Variants in WASL observed in about 807,000 individuals in gnomAD.
WASL encodes actin nucleation-promoting factor WASL.
WASL carries 20 observed loss-of-function variants against 55.5 expected under a neutral mutation model. The ratio of observed to expected loss-of-function variants is 0.36; its 90% CI spans 0.25 to 0.52. The LOEUF is 0.52. Ranked by LOEUF, WASL falls within the 20% of genes least tolerant of loss-of-function variation. The probability of loss-of-function intolerance (pLI) is 0.92; values close to 1 mark genes in which losing one functional copy is unlikely to be tolerated. For synonymous variants in WASL, 249 were observed against 217.6 expected, an observed-to-expected ratio of 1.14 and a Z score of -1.27; for missense variants, 504 against 622.5, an observed-to-expected ratio of 0.81 and a Z score of 2.03.
chr7:123,747,108 A>T (rs1357215875), intron 1 of WASL, among the ~76,000 whole-genome samples: 2 of 152,206 alleles, frequency 1.3e-5, no homozygotes, highest in Non-Finnish European at 2.9e-5. Flanking sequence ...GAAATAAATC[A>T]GTAACAGGAA....
At chr7:123,722,543 C>T (rs1803965600) in intron 1 of WASL, among the ~76,000 whole-genome samples, 1 of 152,120 alleles carries the variant, frequency 6.6e-6, no homozygotes. Context: ...GTAGGCTGGC[C>T]ATGGTGGCTC....
At chr7:123,716,228 A>C (rs1803838694) in intron 1 of WASL, among the ~76,000 whole-genome samples, 1 of 151,976 alleles carries the variant, frequency 6.6e-6, no homozygotes, top group South Asian at 2.1e-4. Context: ...TTATTTATTT[A>C]TTTAGATGGA....
At chr7:123,713,732 T>C (rs1207439848) in intron 1 of WASL, among the ~76,000 whole-genome samples, 1 of 152,228 alleles carries the variant, frequency 6.6e-6, no homozygotes, top group Non-Finnish European at 1.5e-5. Context: ...TGACCTATTA[T>C]TACTCTGAAT....
chr7:123,737,906 T>C (rs1017160527), intron 1 of WASL, among the ~76,000 whole-genome samples: 1 of 152,132 alleles, frequency 6.6e-6, no homozygotes, highest in Non-Finnish European at 1.5e-5. Flanking sequence ...TGTCAAAAGA[T>C]AAATGACAAA....
Position 123,706,249 on chromosome 7 carries a change from CTGATT to C in WASL, c.436+23_436+27del, listed in dbSNP as rs770367757. ...GCCCCATGAGCATTAGTTTGCTGGC[CTGATT>C]TAAGTAATTAAAAAAGGGTTACCAG... On this transcript the variant is annotated intron_variant, in intron 4 of 10. Transcript: ENST00000223023. 1.9e-6 allele frequency: 3 copies of C among 1,602,164 alleles called. No homozygotes were observed. In the South Asian group the frequency reaches 3.3e-5, roughly 18 times the overall value.
chr7:123,700,371 T>C (rs1803567981), intron 5 of WASL, among the ~76,000 whole-genome samples: 1 of 151,890 alleles, frequency 6.6e-6, no homozygotes, highest in Admixed American at 6.6e-5. Flanking sequence ...AGTCATATGA[T>C]TAGTGACAGA....
At chr7:123,721,484 T>C (rs1381479758) in intron 1 of WASL, among the ~76,000 whole-genome samples, 1 of 152,142 alleles carries the variant, frequency 6.6e-6, no homozygotes, top group Non-Finnish European at 1.5e-5. Flanking sequence ...GTACAACATT[T>C]GAGACTCTCA....
At chr7:123,720,061 C>T (rs1803914736) in intron 1 of WASL, among the ~76,000 whole-genome samples, 1 of 152,146 alleles carries the variant, frequency 6.6e-6, no homozygotes, top group African/African-American at 2.4e-5. Flanking sequence ...ACTCACCTAG[C>T]ACAAAATATA....
intron 10 of WASL, 132 bp from the exon 11 acceptor site, chr7:123,684,712 A>C (rs1803260696): frequency 2.4e-6 from 2 of 821,562 alleles, no homozygotes; most frequent in Non-Finnish European, 1.7e-6. Flanking sequence ...TAGTTACTAA[A>C]ACAGTTTAAA....
intron 5 of WASL, among the ~76,000 whole-genome samples, chr7:123,701,519 A>G (rs1562959250): frequency 6.6e-6 from 1 of 152,236 alleles, no homozygotes; most frequent in Admixed American, 6.5e-5. Context: ...AGACTGACCA[A>G]TAAAGAAATT....
intron 4 of WASL, among the ~76,000 whole-genome samples, chr7:123,705,850 A>T (rs1188656999): frequency 6.6e-6 from 1 of 152,188 alleles, no homozygotes; most frequent in African/African-American, 2.4e-5. Context: ...TTCTAAGCTT[A>T]CCTAAAGTCT....
At chr7:123,693,359 C>T (rs1007389599) in intron 8 of WASL, among the ~76,000 whole-genome samples, 2 of 152,128 alleles carry the variant, frequency 1.3e-5, no homozygotes, top group Non-Finnish European at 1.5e-5. Flanking sequence ...CATTAATCTG[C>T]GCTAAAGCCC....
At chr7:123,699,880 TAAAA>T (rs1219694548) in intron 5 of WASL, among the ~76,000 whole-genome samples, 3 of 152,006 alleles carry the variant, frequency 2.0e-5, no homozygotes, top group African/African-American at 7.2e-5. Flanking sequence ...TAGTACTAGT[TAAAA>T]CATTATTTAA....
intron 1 of WASL, among the ~76,000 whole-genome samples, chr7:123,726,690 C>T (rs1408224442): frequency 6.6e-6 from 1 of 152,124 alleles, no homozygotes; most frequent in Non-Finnish European, 1.5e-5. Context: ...CATGGTGAAA[C>T]TCTCATCTCT....
chr7:123,695,379 T>C (rs933799351), intron 7 of WASL, among the ~76,000 whole-genome samples: 2 of 152,136 alleles, frequency 1.3e-5, no homozygotes, highest in Non-Finnish European at 2.9e-5. Context: ...ATCCAAACGC[T>C]GATTAATTTT....
intron 5 of WASL, among the ~76,000 whole-genome samples, chr7:123,698,424 T>C (rs1318807507): frequency 3.3e-5 from 5 of 151,738 alleles, no homozygotes; most frequent in Admixed American, 1.3e-4. Flanking sequence ...CTATTAAAGA[T>C]AAAACAAAAC....
chr7:123,701,684 T>G (rs1023864603), intron 5 of WASL, among the ~76,000 whole-genome samples: 3 of 152,226 alleles, frequency 2.0e-5, no homozygotes, highest in Middle Eastern at 3.2e-3. Flanking sequence ...GAGGACATGG[T>G]CCAGGGGCCC....
rs34607411 is a variant in WASL, at chr7:123,687,756, C to CT, written c.1456+1285dup. On this transcript the variant is annotated intron_variant, in intron 10 of 10. Transcript: ENST00000223023. ...TAATGCATGTCGATGAAGGCAGGGACTTTTTTTTTGTTAAAATTTTATTAT... is the reference window on the plus strand; with the variant it reads ...TAATGCATGTCGATGAAGGCAGGGACTTTTTTTTTTGTTAAAATTTTATTAT... 3.3e-3 allele frequency among the ~76,000 whole-genome samples: 489 copies of CT among 150,200 alleles called. 4 individuals carry two copies. Among genetic ancestry groups the CT allele is most frequent in the African/African-American group, 1.0e-2 (408 of 40,968 alleles).
Position 123,748,723 on chromosome 7 carries a change from G to C in WASL, c.12C>G (p.Val4=). MSS[V]QQQPPPPRRV... The stretch of plus-strand genomic sequence containing the variant: ...TCCGCGGCGGCGGCGGCTGCTGCTG[G>C]ACGGAGCTCATGGTTTCGCCGGCGG... The change falls in exon 1 of 11, where the codon GTC becomes GTG. Residue 4 remains valine (V), a synonymous_variant. Transcript: ENST00000223023. 1 of 1,591,972 alleles carries C rather than the reference G, an allele frequency of 6.3e-7. No homozygotes were observed. The highest frequency in any genetic ancestry group is 8.5e-7 in the Non-Finnish European group (1 of 1,170,586).
Sources: allele counts gnomAD v4.1 joint callset (sites outside exome capture counted in the v4.1 genomes callset), GRCh38; gene constraint gnomAD v4.1.1; transcripts MANE v1.5; gene names NCBI Gene and HGNC (gene_info 2026-07-23, HGNC 2026-07-21).